TRIO: variants seen among roughly 807,000 people sequenced by gnomAD.
TRIO encodes triple functional domain protein.
A neutral mutation model predicts 351.9 loss-of-function variants in TRIO; 58 were observed. The ratio of observed to expected loss-of-function variants is 0.16; its 90% confidence interval spans 0.13 to 0.21. The LOEUF is 0.21. Among genes scored for constraint, TRIO ranks in the 10% least tolerant of loss-of-function variants. The pLI, the probability that TRIO is intolerant of heterozygous loss-of-function variation, is 1.00. For missense variants in TRIO, 3,201 were observed against 4,027.8 expected, an observed-to-expected ratio of 0.79 and a Z score of 5.56; for synonymous variants, 1,758 against 1,595.7, an observed-to-expected ratio of 1.10 and a Z score of -2.42.
intron 34 of TRIO, among the ~76,000 whole-genome samples, chr5:14,425,652 G>A (rs1043162822): frequency 1.2e-4 from 18 of 152,214 alleles, no homozygotes; most frequent in African/African-American, 3.4e-4. Flanking sequence ...AAATCTAACC[G>A]CCAATGTGAT....
Position 14,290,781 on chromosome 5 carries a change from T to C in TRIO, c.606T>C (p.Phe202=). The stretch of plus-strand genomic sequence containing the variant: ...ATCCTTCTCAGCTAACTCCTGAGTT[T>C]GATGGCTGCCTGGAATACAACCACG... ...VVDPSQLTPE[F]DGCLEYNHEE... The change falls in exon 5 of 57, where the codon TTT becomes TTC. Residue 202 remains phenylalanine, a synonymous_variant. Transcript: ENST00000344204. The C allele has an allele frequency of 6.2e-7, 1 of 1,614,182 alleles. No individual in the cohort carries two copies. Among genetic ancestry groups the C allele is most frequent in the Non-Finnish European group, 8.5e-7 (1 of 1,180,034 alleles).
Position 14,481,558 on chromosome 5 carries a change from G to T in TRIO, c.6405G>T (p.Met2135Ile). Residue 2135 changes from methionine to isoleucine, a missense_variant, in exon 45 of 57, where the codon ATG (methionine) becomes ATT (isoleucine). Physicochemically the swap from Met to Ile is conservative, Grantham distance 10. Transcript: ENST00000344204. ...TCCCACAGAGAGCTGTGGAAGTCAT[G>T]TGCATAGTACCCAGGCGGTGCAACG... ...TSELERAVEV[M>I]CIVPRRCNDM... is the part of the protein sequence containing the mutation. 6.2e-7 allele frequency: 1 copy of T among 1,614,174 alleles called. No homozygotes were observed.
intron 34 of TRIO, among the ~76,000 whole-genome samples, chr5:14,421,602 TG>T (rs1188387709): frequency 1.9e-5 from 2 of 104,904 alleles, no homozygotes; most frequent in Non-Finnish European, 3.4e-5. Flanking sequence ...AGACTCCATC[TG>T]AAAAAAAAAA....
At chr5:14,407,866 TC>T (rs1748859922) in intron 33 of TRIO, among the ~76,000 whole-genome samples, 1 of 152,218 alleles carries the variant, frequency 6.6e-6, no homozygotes, top group African/African-American at 2.4e-5. Flanking sequence ...AGTCTTCTGT[TC>T]CTGCCAAGAC....
At chr5:14,495,591 G>A (rs780242245) in intron 49 of TRIO, among the ~76,000 whole-genome samples, 1 of 148,828 alleles carries the variant, frequency 6.7e-6, no homozygotes, top group Non-Finnish European at 1.5e-5. Context: ...GGAGGCTGAG[G>A]CGGGTGGATC....
intron 1 of TRIO, among the ~76,000 whole-genome samples, chr5:14,202,338 A>G (rs1021855634): frequency 5.1e-5 from 3 of 58,754 alleles, no homozygotes; most frequent in African/African-American, 6.7e-5. Context: ...TTTGCTCATC[A>G]GCTATCGTTA....
intron 1 of TRIO, among the ~76,000 whole-genome samples, chr5:14,217,204 G>A (rs164719): frequency 2.2e-4 from 33 of 152,140 alleles, no homozygotes; most frequent in Non-Finnish European, 4.3e-4. Context: ...CAAAACAACA[G>A]AACCTACAGT....
intron 16 of TRIO, 21 bp from the exon 17 acceptor site, chr5:14,368,687 C>A: frequency 6.2e-7 from 1 of 1,601,042 alleles, no homozygotes; most frequent in Non-Finnish European, 8.5e-7. Context: ...ATAAGCCTTC[C>A]CTTTTGTTCT....
intron 36 of TRIO, 151 bp downstream of exon 36, chr5:14,463,076 T>A: frequency 1.9e-6 from 2 of 1,076,802 alleles, no homozygotes; most frequent in Non-Finnish European, 2.5e-6. Flanking sequence ...AGCGTCAGCC[T>A]GGTTGTACCC....
intron 1 of TRIO, among the ~76,000 whole-genome samples, chr5:14,179,496 C>G (rs754382031): frequency 1.6e-4 from 23 of 148,286 alleles, no homozygotes; most frequent in Non-Finnish European, 2.8e-4. Context: ...GGGTCTCACT[C>G]TGTTGCCCAA....
At position 14,496,834 on chromosome 5, in the gene TRIO, A is replaced by C. The variant is rs201101062; in HGVS notation, c.7881-45A>C. On this transcript the variant is annotated intron_variant, in intron 49 of 56. Transcript: ENST00000344204. Reference sequence around the variant, plus strand: ...TAACGCTTCCAGGCAGCACTTGGTGAATGTTGGAAAGGCATAATACCCACA... The same window carrying C: ...TAACGCTTCCAGGCAGCACTTGGTGCATGTTGGAAAGGCATAATACCCACA... 6 of 1,601,188 alleles carry C rather than the reference A, an allele frequency of 3.7e-6. No homozygotes were observed. In the East Asian group the frequency reaches 1.3e-4, roughly 36 times the overall value.
rs1753783570 is a variant in TRIO at position 14,461,270 on chromosome 5, G to A, written c.5455G>A (p.Asp1819Asn). The change falls in exon 35 of 57, where the codon GAC (aspartate) becomes AAC (asparagine). Residue 1819 changes from aspartate to asparagine, a missense_variant. Asp to Asn is a conservative substitution (Grantham distance 23). Coordinates refer to ENST00000344204, the MANE Select transcript of TRIO (RefSeq NM_007118.4). ...SADAGSQKDSDDSAATPQDET... is the reference protein window; with the variant it reads ...SADAGSQKDSNDSAATPQDET... The stretch of plus-strand genomic sequence containing the variant: ...CGACGCCGGCTCGCAGAAGGACTCC[G>A]ACGACAGTGCGGCCACCCCGCAGGA... The A allele has an allele frequency of 1.9e-6, 3 of 1,596,578 alleles. No individual in the cohort carries two copies. Among genetic ancestry groups the A allele is most frequent in the Admixed American group, 1.7e-5 (1 of 58,706 alleles).
chr5:14,331,979 A>C (rs1740941209), intron 10 of TRIO, among the ~76,000 whole-genome samples: 1 of 152,226 alleles, frequency 6.6e-6, no homozygotes, highest in South Asian at 2.1e-4. Context: ...ATACTCTTTC[A>C]TGTTAATGTT....
chr5:14,323,084 C>T (rs919929395), intron 9 of TRIO, among the ~76,000 whole-genome samples: 2 of 152,116 alleles, frequency 1.3e-5, no homozygotes, highest in Admixed American at 1.3e-4. Context: ...GGGCTGGCTC[C>T]CTCCCACACA....
At chr5:14,379,473 A>G (rs988076932) in intron 20 of TRIO, among the ~76,000 whole-genome samples, 2 of 152,306 alleles carry the variant, frequency 1.3e-5, no homozygotes, top group Non-Finnish European at 1.5e-5. Context: ...CTGGCGCCCC[A>G]CCTTGGTCCT....
chr5:14,173,017 A>C (rs994695979), intron 1 of TRIO, among the ~76,000 whole-genome samples: 4 of 152,128 alleles, frequency 2.6e-5, no homozygotes, highest in African/African-American at 9.7e-5. Context: ...ATGGCTTCTA[A>C]ACATTTGCAA....
At chr5:14,394,804 A>G (rs1241497238) in intron 28 of TRIO, among the ~76,000 whole-genome samples, 1 of 152,244 alleles carries the variant, frequency 6.6e-6, no homozygotes, top group Admixed American at 6.5e-5. Context: ...AGAAAGGTAA[A>G]CAAAACTTAG....
At chr5:14,372,105 C>T (rs1278148231) in intron 18 of TRIO, among the ~76,000 whole-genome samples, 4 of 151,968 alleles carry the variant, frequency 2.6e-5, no homozygotes, top group African/African-American at 9.7e-5. Flanking sequence ...GAGGCATTTC[C>T]CCCATTCCAG....
At chr5:14,298,774 T>G (rs1737595380) in intron 7 of TRIO, among the ~76,000 whole-genome samples, 1 of 152,192 alleles carries the variant, frequency 6.6e-6, no homozygotes, top group East Asian at 1.9e-4. Context: ...ATGGTAAGGA[T>G]TTTTCTACTT....
Sources: gnomAD v4.1 joint callset for allele counts (sites outside exome capture counted in the v4.1 genomes callset) on GRCh38, gnomAD v4.1.1 for gene constraint, MANE v1.5 for transcripts, NCBI Gene and HGNC (gene_info 2026-07-23, HGNC 2026-07-21) for gene names.